Variants in COL6A3 observed in about 807,000 individuals in gnomAD.
COL6A3 encodes collagen alpha-3(VI) chain.
COL6A3 carries 137 observed loss-of-function variants against 274.1 expected under a neutral mutation model. The ratio of observed to expected loss-of-function variants is 0.50; its 90% confidence interval spans 0.44 to 0.58. The LOEUF is 0.58. Among genes scored for constraint, COL6A3 ranks in the 20% least tolerant of loss-of-function variants. COL6A3 has a pLI of 0.00. For missense variants in COL6A3, 3,950 were observed against 4,124.9 expected (o/e 0.96, Z 1.16); for synonymous variants, 1,650 against 1,650.6 (o/e 1.00, Z 0.01).
At chr2:237,336,624 A>G in intron 39 of COL6A3, 92 bp from the exon 40 acceptor site, 1 of 1,330,534 alleles carries the variant, frequency 7.5e-7, no homozygotes, top group South Asian at 1.2e-5. Context: ...AATTTGTTTT[A>G]GCAAAATGCA....
rs973932425 is a variant in COL6A3, at chr2:237,336,544, A to G, written c.8568-12T>C. On this transcript the variant is annotated splice_polypyrimidine_tract_variant and intron_variant, in intron 39 of 43. Coordinates refer to ENST00000295550, the MANE Select transcript of COL6A3 (RefSeq NM_004369.4). ...TATTCGGAACATTTCTGTTAAGACA[A>G]ATTAAATATTACCTCTACTTTTACC... is the stretch of plus-strand genomic sequence containing the variant. 9 of 1,613,402 alleles carry G rather than the reference A, an allele frequency of 5.6e-6. No individual in the cohort carries two copies. The highest frequency in any genetic ancestry group is 7.6e-6 in the Non-Finnish European group (9 of 1,179,418).
At chr2:237,324,901 T>G (rs1369573280) in intron 43 of COL6A3, 87 bp from the exon 44 acceptor site, 1 of 1,374,464 alleles carries the variant, frequency 7.3e-7, no homozygotes, top group Non-Finnish European at 1.0e-6. Flanking sequence ...AAAAGGGCAC[T>G]GTCATTATCA....
In COL6A3 at chr2:237,366,006, C is replaced by G; in HGVS notation, c.5530G>C (p.Asp1844His). 6.2e-7 allele frequency: 1 copy of G among 1,613,804 alleles called. No homozygotes were observed. Among genetic ancestry groups the G allele is most frequent in the Non-Finnish European group, 8.5e-7 (1 of 1,180,030 alleles). Residue 1844 changes from aspartate (D) to histidine (H), a missense_variant, in exon 12 of 44, where the codon GAT becomes CAT. This residue lies in a region of COL6A3 where 632 missense variants were observed against 623.4 expected (regional missense o/e 1.01). Transcript: ENST00000295550. ...AAAACATTCTGGTCTCTAGAACCATCAAACCCCAGAATCACATCCAGATTA... is the reference window on the plus strand; with the variant it reads ...AAAACATTCTGGTCTCTAGAACCATGAAACCCCAGAATCACATCCAGATTA... The part of the protein sequence containing the change: ...ACNLDVILGF[D>H]GSRDQNVFVA...
chr2:237,329,709 T>C (rs1269650553), intron 42 of COL6A3: 1 of 152,212 alleles, frequency 6.6e-6, no homozygotes, highest in African/African-American at 2.4e-5. Context: ...CTGTATTGTA[T>C]CCAATATAAG....
chr2:237,378,953 T>C lies in COL6A3; in HGVS notation c.2180A>G (p.Tyr727Cys), dbSNP rs113393241. ...LNTGSALSYV[Y>C]ANHFTEAGGS... ...GCCAGCTTCCGTGAAGTGGTTGGCA[T>C]AGACATAGCTTAGGGCTGAGCCTGT... The change falls in exon 6 of 44, where the codon TAT becomes TGT. Residue 727 changes from tyrosine (Y) to cysteine (C), a missense_variant. Tyr to Cys is a radical substitution (Grantham distance 194, BLOSUM62 -2). Transcript: ENST00000295550. 2.2e-5 allele frequency: 36 copies of C among 1,614,086 alleles called. No individual in the cohort carries two copies. In the East Asian group the frequency reaches 7.8e-4, roughly 35 times the overall value.
chr2:237,381,306 A>G lies in COL6A3; in HGVS notation c.1506T>C (p.His502=), dbSNP rs770990749. ...TVRPEFYFNT[H]PTKREVITAV... ...CGGTTATGACTTCCCTTTTTGTTGG[A>G]TGGGTATTGAAATAAAATTCAGGCC... is the stretch of plus-strand genomic sequence containing the variant. Residue 502 remains histidine, a synonymous_variant, in exon 5 of 44, where the codon CAT becomes CAC. Transcript: ENST00000295550. 7 of 1,614,168 alleles carry G rather than the reference A, an allele frequency of 4.3e-6. No individual in the cohort carries two copies. In the Admixed American group the frequency reaches 1.2e-4, roughly 27 times the overall value.
chr2:237,378,731 T>A lies in COL6A3; in HGVS notation c.2402A>T (p.Asp801Val). 1 of 1,614,068 alleles carries A rather than the reference T, an allele frequency of 6.2e-7. No individual in the cohort carries two copies. Among genetic ancestry groups the A allele is most frequent in the Non-Finnish European group, 8.5e-7 (1 of 1,180,036 alleles). ...FNPSLVYLMD[D>V]FSSLPALPQQ... is the part of the protein sequence containing the mutation. ...AGGCAAAGCTGGCAGGGAGCTGAAA[T>A]CATCCATGAGATACACCAGGCTTGG... The change falls in exon 6 of 44, where the codon GAT (aspartate) becomes GTT (valine). Residue 801 changes from aspartate (D) to valine (V), a missense_variant. Physicochemically the swap from Asp to Val is radical, Grantham distance 152 (BLOSUM62 -3). Transcript: ENST00000295550.
intron 17 of COL6A3, 89 bp from the exon 18 acceptor site, chr2:237,359,477 C>T: frequency 7.5e-7 from 1 of 1,341,082 alleles, no homozygotes; most frequent in Non-Finnish European, 1.1e-6. Context: ...TCCCCCACTC[C>T]ACCCCATTTG....
chr2:237,368,211 A>G lies in COL6A3; in HGVS notation c.4900+352T>C, dbSNP rs59980051. Among the ~76,000 whole-genome samples the G allele has an allele frequency of 5.0e-3, 769 of 152,322 alleles. 11 individuals are homozygous for G. The highest frequency in any genetic ancestry group is 0.017 in the African/African-American group (715 of 41,572). On this transcript the variant is annotated intron_variant, in intron 10 of 43. Transcript: ENST00000295550. This position sits in a 1 kb window ranked among gnomAD's most constrained non-coding sequence, Gnocchi z 4.4. ...TGAGGGGACCTGGACTATATTGGGC[A>G]TCTGGCCAGTAGGCATGGGCCAACT...
At chr2:237,356,073 G>C (rs1001534084) in intron 23 of COL6A3, among the ~76,000 whole-genome samples, 1 of 152,296 alleles carries the variant, frequency 6.6e-6, no homozygotes, top group Non-Finnish European at 1.5e-5. Flanking sequence ...CAGGCCATTA[G>C]ACCACAAAAG....
rs1700589838 is a variant in COL6A3 at position 237,337,067 on chromosome 2, A to C, written c.8568-535T>G. Reference sequence around the variant, plus strand: ...TTTGTGTATGTGTATTTTTTTTTACAATTTCTTGATCTATTACCAATATCT... The same window carrying C: ...TTTGTGTATGTGTATTTTTTTTTACCATTTCTTGATCTATTACCAATATCT... On this transcript the variant is annotated intron_variant, in intron 39 of 43. Transcript: ENST00000295550. Among the ~76,000 whole-genome samples the C allele has an allele frequency of 3.3e-5, 5 of 152,116 alleles. No individual in the cohort carries two copies. The South Asian group carries it at 1.0e-3, about 32-fold the overall frequency.
rs1223072766 is a variant in COL6A3 at position 237,372,195 on chromosome 2, G to C, written c.3822C>G (p.Ile1274Met). 1 of 1,614,150 alleles carries C rather than the reference G, an allele frequency of 6.2e-7. No homozygotes were observed. The change falls in exon 9 of 44, where the codon ATC becomes ATG. Residue 1274 changes from isoleucine to methionine, a missense_variant. Physicochemically the swap from Ile to Met is conservative, Grantham distance 10. This residue lies in a region of COL6A3 where 1,934 missense variants were observed against 1,984.3 expected (regional missense o/e 0.97). Transcript: ENST00000295550. Reference protein sequence around the residue: ...VGFDTTRVAVIQFSDDPKVEF... With the variant: ...VGFDTTRVAVMQFSDDPKVEF... Reference sequence around the variant, plus strand: ...CCACCTTGGGGTCATCGCTGAACTGGATGACAGCCACCCGGGTGGTGTCAA... The same window carrying C: ...CCACCTTGGGGTCATCGCTGAACTGCATGACAGCCACCCGGGTGGTGTCAA...
At chr2:237,373,956 G>A (rs1272290757) in intron 8 of COL6A3, among the ~76,000 whole-genome samples, 1 of 152,208 alleles carries the variant, frequency 6.6e-6, no homozygotes, top group Non-Finnish European at 1.5e-5. Flanking sequence ...CCTTGGCTCT[G>A]GAGATACCAA....
Position 237,414,147 on chromosome 2 carries a change from G to A in COL6A3, c.-225C>T, listed in dbSNP as rs994534522. ...AGGCTGGAGCCCAGGAGAACTGAAC[G>A]GCCTTTGGTGGAAGACTGAGCTCCA... On this transcript the variant is annotated 5_prime_UTR_variant, in exon 1 of 44. Transcript: ENST00000295550. 6.6e-6 allele frequency: 1 copy of A among 152,194 alleles called. No homozygotes were observed. The highest frequency in any genetic ancestry group is 1.9e-4 in the East Asian group (1 of 5,190). The allele number at this position is 152,194 out of a possible 1,614,324, so 9.4% of individuals were successfully genotyped here. A position where few individuals can be genotyped will look rare whatever the true frequency, so the allele number is the denominator to read the frequency against.
Position 237,381,250 on chromosome 2 carries a change from G to A in COL6A3, c.1562C>T (p.Ser521Leu), listed in dbSNP as rs115881121. 8.9e-5 allele frequency: 143 copies of A among 1,614,222 alleles called. 1 individual carries two copies. The East Asian group carries it at 1.8e-3, about 21-fold the overall frequency. ...AVRKMKPLDG[S>L]ALYTGSALDF... ...TAGAGCAGAGCCCGTGTACAGGGCC[G>A]AGCCGTCCAGGGGCTTCATTTTCCG... Residue 521 changes from serine to leucine, a missense_variant, in exon 5 of 44, where the codon TCG becomes TTG. This residue lies in a region of COL6A3 where 1,934 missense variants were observed against 1,984.3 expected (regional missense o/e 0.97). Coordinates refer to ENST00000295550, the MANE Select transcript of COL6A3 (RefSeq NM_004369.4).
intron 42 of COL6A3, among the ~76,000 whole-genome samples, chr2:237,332,117 A>ATATATATATATATATATATGTG (rs35490728): frequency 3.1e-5 from 2 of 64,170 alleles, no homozygotes; most frequent in East Asian, 6.7e-4. Context: ...ATATATATAT[A>ATATATATATATATATATATGTG]TGAAAAGAAA....
intron 1 of COL6A3, among the ~76,000 whole-genome samples, chr2:237,412,847 C>CG (rs896437092): frequency 3.3e-5 from 5 of 152,052 alleles, no homozygotes; most frequent in African/African-American, 1.2e-4. Flanking sequence ...GCCAGTCAGC[C>CG]GGGGCCACAG....
chr2:237,398,842 A>G (rs1272710581), intron 1 of COL6A3, among the ~76,000 whole-genome samples: 2 of 152,200 alleles, frequency 1.3e-5, no homozygotes, highest in Non-Finnish European at 2.9e-5. Flanking sequence ...GAACAAGGCC[A>G]TTGGCGACAC....
At position 237,372,331 on chromosome 2, in the gene COL6A3, C is replaced by T; in HGVS notation, c.3686G>A (p.Gly1229Asp). 1 of 1,605,120 alleles carries T rather than the reference C, an allele frequency of 6.2e-7. No homozygotes were observed. The highest frequency in any genetic ancestry group is 8.5e-7 in the Non-Finnish European group (1 of 1,179,990). Residue 1229 changes from glycine (G) to aspartate (D), a missense_variant, in exon 9 of 44, where the codon GGT becomes GAT. Physicochemically the swap from Gly to Asp is moderately conservative, Grantham distance 94. Coordinates refer to ENST00000295550, the MANE Select transcript of COL6A3 (RefSeq NM_004369.4). ...VLQPLPSPGVGGKRDVVFLID... is the reference protein window; with the variant it reads ...VLQPLPSPGVDGKRDVVFLID... ...GAGAAAGACCACGTCCCTCTTGCCA[C>T]CAACACCTGCGAAACAAATGTGAGC...
Sources: gnomAD v4.1 joint callset for allele counts (sites outside exome capture counted in the v4.1 genomes callset) on GRCh38, gnomAD v4.1.1 for gene constraint, gnomAD v4.1.1 regional missense constraint, Gnocchi (gnomAD v3.1) non-coding constraint, MANE v1.5 for transcripts, NCBI Gene and HGNC (gene_info 2026-07-23, HGNC 2026-07-21) for gene names.